Variants in KIRREL1 observed in about 807,000 individuals in gnomAD.
KIRREL1 encodes the protein kin of IRRE-like protein 1.
Under a neutral mutation model 83.3 loss-of-function variants are expected in KIRREL1, and 25 were observed. The observed-to-expected ratio is 0.30, with a 90% CI of 0.22 to 0.42. KIRREL1 has a LOEUF of 0.42. Among genes scored for constraint, KIRREL1 ranks in the 10% least tolerant of loss-of-function variants. The pLI, the probability that KIRREL1 is intolerant of heterozygous loss-of-function variation, is 1.00. For missense variants in KIRREL1, 812 were observed against 1,032.3 expected (o/e 0.79, Z 2.92); for synonymous variants, 388 against 410.4 (o/e 0.95, Z 0.66).
intron 5 of KIRREL1, among the ~76,000 whole-genome samples, chr1:158,087,292 A>C (rs1163772533): frequency 2.0e-5 from 3 of 152,126 alleles, no homozygotes; most frequent in African/African-American, 7.2e-5. Flanking sequence ...AAGGGTTTCA[A>C]ATAAGGGATT....
intron 1 of KIRREL1, among the ~76,000 whole-genome samples, chr1:158,019,731 G>A (rs1174679617): frequency 6.6e-6 from 1 of 152,064 alleles, no homozygotes; most frequent in Non-Finnish European, 1.5e-5. Context: ...GAGCTTAACC[G>A]CAGAGCAAGA....
chr1:158,064,311 A>G (rs1661304425), intron 1 of KIRREL1, among the ~76,000 whole-genome samples: 1 of 152,216 alleles, frequency 6.6e-6, no homozygotes, highest in South Asian at 2.1e-4. Flanking sequence ...AAAAGGTTTT[A>G]CTTATACCTT....
chr1:158,009,050 TG>T (rs1659598986), intron 1 of KIRREL1, among the ~76,000 whole-genome samples: 1 of 152,156 alleles, frequency 6.6e-6, no homozygotes, highest in African/African-American at 2.4e-5. Context: ...GTCCAGATGA[TG>T]AATTGAGAGG....
At position 158,094,815 on chromosome 1, in the gene KIRREL1, C is replaced by T. The variant is rs1400006323; in HGVS notation, c.1969C>T (p.Pro657Ser). 13 of 1,613,956 alleles carry T rather than the reference C, an allele frequency of 8.1e-6. No individual in the cohort carries two copies. The highest frequency in any genetic ancestry group is 1.1e-5 in the Non-Finnish European group (13 of 1,180,004). ...YAQLNTYSRG[P>S]ASDYGPEPTP... ...CCAGCTCAACACCTATAGCCGGGGC[C>T]CTGCCTCTGACTATGGCCCTGAGCC... Residue 657 changes from proline to serine, a missense_variant, in exon 15 of 15, where the codon CCT (proline) becomes TCT (serine). Pro to Ser is a moderately conservative substitution (Grantham distance 74). Transcript: ENST00000359209. The surrounding 1 kb of genome is among the most constrained non-coding windows in gnomAD (Gnocchi z 4.6).
intron 1 of KIRREL1, among the ~76,000 whole-genome samples, chr1:158,033,012 C>G (rs963798608): frequency 2.0e-5 from 3 of 152,168 alleles, no homozygotes; most frequent in African/African-American, 7.2e-5. Context: ...CTCAAGTGAT[C>G]TGCCCGCCTC....
chr1:157,993,872 G>A (rs943252357), intron 1 of KIRREL1, 144 bp downstream of exon 1: 7 of 486,550 alleles, frequency 1.4e-5, no homozygotes, highest in Non-Finnish European at 2.2e-5. Context: ...CTCGGTCCGG[G>A]CGCAGAGCCC....
intron 12 of KIRREL1, 76 bp downstream of exon 12, chr1:158,093,522 A>T: frequency 6.2e-7 from 1 of 1,602,196 alleles, no homozygotes; most frequent in East Asian, 2.2e-5. Flanking sequence ...CTTGGGGTGG[A>T]TGGGAGGTTG....
At chr1:158,006,374 G>GT (rs1326431054) in intron 1 of KIRREL1, among the ~76,000 whole-genome samples, 2 of 152,142 alleles carry the variant, frequency 1.3e-5, no homozygotes, top group African/African-American at 4.8e-5. Flanking sequence ...GTCTGATTGG[G>GT]TATTGTAACT....
chr1:158,035,452 A>C (rs1660449941), intron 1 of KIRREL1, among the ~76,000 whole-genome samples: 1 of 152,224 alleles, frequency 6.6e-6, no homozygotes, highest in Non-Finnish European at 1.5e-5. Context: ...TGAACAGTAG[A>C]AGGGTAAATA....
intron 1 of KIRREL1, among the ~76,000 whole-genome samples, chr1:158,019,360 G>T (rs1659935631): frequency 6.6e-6 from 1 of 152,150 alleles, no homozygotes; most frequent in Non-Finnish European, 1.5e-5. Flanking sequence ...GATTCTGGAA[G>T]GAATTAACTC....
intron 1 of KIRREL1, among the ~76,000 whole-genome samples, chr1:158,012,809 A>G (rs1315668164): frequency 1.3e-5 from 2 of 152,252 alleles, no homozygotes; most frequent in African/African-American, 4.8e-5. Context: ...GATAAATGAT[A>G]GTGTAAGTTA....
intron 4 of KIRREL1, among the ~76,000 whole-genome samples, chr1:158,084,831 C>T (rs1025058110): frequency 2.0e-5 from 3 of 152,316 alleles, no homozygotes; most frequent in African/African-American, 4.8e-5. Context: ...ATGGATTAAG[C>T]ACCTACTGTG....
intron 1 of KIRREL1, among the ~76,000 whole-genome samples, chr1:158,038,282 T>C (rs886143732): frequency 6.6e-6 from 1 of 152,200 alleles, no homozygotes; most frequent in Admixed American, 6.5e-5. Context: ...CTCTGGTCCC[T>C]GGGGACCTGG....
intron 1 of KIRREL1, among the ~76,000 whole-genome samples, chr1:158,020,600 C>CAAAA (rs370156588): frequency 0.012 from 1,015 of 83,668 alleles, 103 homozygotes; most frequent in African/African-American, 0.023. Context: ...TACAGTAAAT[C>CAAAA]AAAAAAAAAA....
chr1:158,076,321 C>T, intron 2 of KIRREL1, 59 bp downstream of exon 2: 1 of 1,516,152 alleles, frequency 6.6e-7, no homozygotes, highest in East Asian at 2.2e-5. Flanking sequence ...TTCCCCACTT[C>T]CAGCATAGAT....
At position 158,094,712 on chromosome 1, in the gene KIRREL1, T is replaced by C. The variant is rs1662304803; in HGVS notation, c.1866T>C (p.Tyr622=). The C allele has an allele frequency of 6.2e-7, 1 of 1,612,782 alleles. No homozygotes were observed. The highest frequency in any genetic ancestry group is 1.7e-5 in the Admixed American group (1 of 59,986). The stretch of plus-strand genomic sequence containing the variant: ...GCCCGTCTTCCAGGGCAGTGCTCTA[T>C]GCTGACTACCGTGCCCCTGGCCCTG... The part of the protein sequence containing the change: ...EDRPSSRAVL[Y]ADYRAPGPAR... Residue 622 remains tyrosine (Y), a synonymous_variant, in exon 15 of 15, where the codon TAT becomes TAC. Coordinates refer to ENST00000359209, the MANE Select transcript of KIRREL1 (RefSeq NM_018240.7). The surrounding 1 kb of genome is among the most constrained non-coding windows in gnomAD (Gnocchi z 4.6).
intron 1 of KIRREL1, among the ~76,000 whole-genome samples, chr1:158,043,578 T>C (rs1324454833): frequency 6.6e-6 from 1 of 152,208 alleles, no homozygotes; most frequent in East Asian, 1.9e-4. Flanking sequence ...CAGGACTCCC[T>C]AAATAAACGC....
chr1:158,094,488 G>A lies in KIRREL1; in HGVS notation c.1797+98G>A. The A allele has an allele frequency of 7.5e-7, 1 of 1,332,326 alleles. No individual in the cohort carries two copies. The highest frequency in any genetic ancestry group is 1.1e-6 in the Non-Finnish European group (1 of 928,818). 82.5% of individuals were successfully genotyped at this position (1,332,326 alleles called of 1,614,324 possible). On this transcript the variant is annotated intron_variant, in intron 14 of 14. Transcript: ENST00000359209. The surrounding 1 kb of genome is among the most constrained non-coding windows in gnomAD (Gnocchi z 4.6). Reference sequence around the variant, plus strand: ...GGTGAGGTGAGGACAGACTTGGGGAGGAGTGGTTGGGAGGGTTTTTGAAGG... The same window carrying A: ...GGTGAGGTGAGGACAGACTTGGGGAAGAGTGGTTGGGAGGGTTTTTGAAGG...
chr1:158,091,417 G>C lies in KIRREL1; in HGVS notation c.1332G>C (p.Glu444Asp). 6.2e-7 allele frequency: 1 copy of C among 1,614,152 alleles called. No homozygotes were observed. The highest frequency in any genetic ancestry group is 8.5e-7 in the Non-Finnish European group (1 of 1,180,016). ...GGACCCTGGAACGCTATACAGTGGA[G>C]AGGACCAACTCAGGCAGTGGGGTGC... is the stretch of plus-strand genomic sequence containing the variant. ...EVGTLERYTV[E>D]RTNSGSGVLS... The change falls in exon 11 of 15, where the codon GAG becomes GAC. Residue 444 changes from glutamate (E) to aspartate (D), a missense_variant. This residue lies in a region of KIRREL1 where 472 missense variants were observed against 626.8 expected (regional missense o/e 0.75). Transcript: ENST00000359209.
Sources: allele counts gnomAD v4.1 joint callset (sites outside exome capture counted in the v4.1 genomes callset), GRCh38; gene constraint gnomAD v4.1.1; regional missense constraint gnomAD v4.1.1; non-coding constraint Gnocchi (gnomAD v3.1); transcripts MANE v1.5; gene names NCBI Gene and HGNC (gene_info 2026-07-23, HGNC 2026-07-21).